The following CEP112 variants were observed in gnomAD, a reference collection of about 807,000 sequenced individuals.
CEP112 encodes centrosomal protein 112.
A neutral mutation model predicts 153.0 loss-of-function variants in CEP112; 127 were observed. That is an observed-to-expected ratio of 0.83 (90% CI 0.72 to 0.96). The LOEUF is 0.96. Ranked by LOEUF, CEP112 falls within the 40% of genes least tolerant of loss-of-function variation. The pLI, the probability that CEP112 is intolerant of heterozygous loss-of-function variation, is 0.00. For missense variants in CEP112, 1,089 were observed against 1,101.2 expected, an observed-to-expected ratio of 0.99 and a Z score of 0.16; for synonymous variants, 358 against 374.4, an observed-to-expected ratio of 0.96 and a Z score of 0.51.
intron 24 of CEP112, among the ~76,000 whole-genome samples, chr17:65,673,943 C>T (rs892775163): frequency 1.3e-5 from 2 of 152,172 alleles, no homozygotes; most frequent in African/African-American, 4.8e-5. Context: ...GTGGCACAAT[C>T]TTGGCTCACT....
intron 19 of CEP112, among the ~76,000 whole-genome samples, chr17:65,925,044 G>A (rs1411799917): frequency 6.6e-6 from 1 of 152,122 alleles, no homozygotes; most frequent in Non-Finnish European, 1.5e-5. Flanking sequence ...ATATGGTTTG[G>A]CTGTGTCCCC....
intron 4 of CEP112, among the ~76,000 whole-genome samples, chr17:66,164,621 G>A (rs995949777): frequency 1.3e-5 from 2 of 149,618 alleles, no homozygotes; most frequent in African/African-American, 4.9e-5. Context: ...ACTTTGGGAG[G>A]CCGAGGCATA....
At chr17:65,784,906 A>C (rs2054198176) in intron 21 of CEP112, among the ~76,000 whole-genome samples, 1 of 152,100 alleles carries the variant, frequency 6.6e-6, no homozygotes, top group South Asian at 2.1e-4. Flanking sequence ...ACCACGACAA[A>C]ATTCTAGAAT....
intron 21 of CEP112, among the ~76,000 whole-genome samples, chr17:65,809,852 TG>T (rs141825201): frequency 0.048 from 6,983 of 145,342 alleles, 194 homozygotes; most frequent in South Asian, 0.082. Context: ...GTAAAGGAAG[TG>T]GGGGGGGGAA....
chr17:65,822,269 T>C (rs1184268786), intron 21 of CEP112, among the ~76,000 whole-genome samples: 1 of 152,040 alleles, frequency 6.6e-6, no homozygotes, highest in Non-Finnish European at 1.5e-5. Context: ...AAATCAGATG[T>C]ATGGCGTAGG....
chr17:65,742,749 TCAAA>T (rs67860065), intron 23 of CEP112, among the ~76,000 whole-genome samples: 18,824 of 152,172 alleles, frequency 0.12, 2,128 homozygotes, highest in African/African-American at 0.3. Context: ...AGTGCTGGGC[TCAAA>T]CAGTCATTCT....
At chr17:65,924,858 T>C (rs913255354) in intron 19 of CEP112, among the ~76,000 whole-genome samples, 18 of 152,158 alleles carry the variant, frequency 1.2e-4, no homozygotes, top group African/African-American at 4.1e-4. Context: ...ACCCTGTAAT[T>C]AGGAATATAC....
intron 23 of CEP112, among the ~76,000 whole-genome samples, chr17:65,726,475 G>A (rs2050187236): frequency 1.3e-5 from 2 of 152,170 alleles, no homozygotes; most frequent in South Asian, 2.1e-4. Flanking sequence ...AAGTCTGAGG[G>A]TTAAAGATGC....
At chr17:65,937,642 A>G (rs1247374285) in intron 18 of CEP112, among the ~76,000 whole-genome samples, 5 of 83,912 alleles carry the variant, frequency 6.0e-5, no homozygotes, top group South Asian at 8.6e-4. Context: ...CCGCCCGGCC[A>G]GCCGCCCTGT....
At chr17:66,000,790 T>A (rs866961346) in intron 17 of CEP112, among the ~76,000 whole-genome samples, 3 of 152,168 alleles carry the variant, frequency 2.0e-5, no homozygotes, top group East Asian at 1.9e-4. Context: ...AACATGTCAT[T>A]GGTGCAAACC....
Position 65,927,661 on chromosome 17 carries a change from C to A in CEP112, c.1901G>T (p.Arg634Ile). Residue 634 changes from arginine (R) to isoleucine (I), a missense_variant, in exon 19 of 27, where the codon AGA becomes ATA. Transcript: ENST00000535342. The part of the protein sequence containing the change: ...QMEKVEADLT[R>I]SKSLREKQSK... ...TTGTTTCTCACGAAGAGATTTGGAT[C>A]TAGTTAGATCTGCCTCCACTTTTTC... 6.3e-7 allele frequency: 1 copy of A among 1,583,652 alleles called. No individual in the cohort carries two copies. Among genetic ancestry groups the A allele is most frequent in the Non-Finnish European group, 8.5e-7 (1 of 1,169,940 alleles).
intron 24 of CEP112, among the ~76,000 whole-genome samples, chr17:65,649,874 C>A (rs2045646110): frequency 6.6e-6 from 1 of 152,162 alleles, no homozygotes; most frequent in African/African-American, 2.4e-5. Context: ...CCATCCCAAT[C>A]CAGAATACAT....
chr17:65,791,286 T>C (rs2054577512), intron 21 of CEP112, among the ~76,000 whole-genome samples: 1 of 152,152 alleles, frequency 6.6e-6, no homozygotes, highest in Non-Finnish European at 1.5e-5. Flanking sequence ...AGGATTAGAA[T>C]GAAGAAAGAA....
intron 17 of CEP112, among the ~76,000 whole-genome samples, chr17:65,977,719 T>A (rs958641284): frequency 1.4e-4 from 21 of 152,058 alleles, no homozygotes; most frequent in Non-Finnish European, 2.5e-4. Context: ...GGTGGGAGGA[T>A]CCCTTGAAGC....
intron 21 of CEP112, among the ~76,000 whole-genome samples, chr17:65,792,947 C>G (rs546031573): frequency 6.6e-6 from 1 of 152,198 alleles, no homozygotes; most frequent in African/African-American, 2.4e-5. Flanking sequence ...CAAGAAAATA[C>G]ACGATTGAAC....
At chr17:66,165,361 AG>A (rs1328162267) in intron 4 of CEP112, among the ~76,000 whole-genome samples, 1 of 152,238 alleles carries the variant, frequency 6.6e-6, no homozygotes, top group African/African-American at 2.4e-5. Flanking sequence ...TGTATTGGAC[AG>A]TGCCGCCTAT....
chr17:65,698,341 T>A (rs1757388306), intron 23 of CEP112, among the ~76,000 whole-genome samples: 1 of 152,240 alleles, frequency 6.6e-6, no homozygotes, highest in Admixed American at 6.5e-5. Flanking sequence ...AGAGTTTTTC[T>A]TGTTTGTTAT....
chr17:66,076,291 G>A (rs1468085500), intron 8 of CEP112, among the ~76,000 whole-genome samples: 2 of 152,072 alleles, frequency 1.3e-5, no homozygotes, highest in South Asian at 4.1e-4. Context: ...TTTGCAGCTG[G>A]GAACTAGGTA....
chr17:66,149,878 TTGTTTGTTTG>T (rs1212593301), intron 4 of CEP112, among the ~76,000 whole-genome samples: 1,529 of 64,628 alleles, frequency 0.024, 161 homozygotes, highest in South Asian at 0.049. Flanking sequence ...GTTTTTTTTT[TTGTTTGTTTG>T]TTTTTTTTTT....
Sources: allele counts gnomAD v4.1 joint callset (sites outside exome capture counted in the v4.1 genomes callset), GRCh38; gene constraint gnomAD v4.1.1; transcripts MANE v1.5; gene names NCBI Gene and HGNC (gene_info 2026-07-23, HGNC 2026-07-21).